Variants in MACROD2 observed in about 807,000 individuals in gnomAD.
MACROD2 encodes the protein mono-ADP ribosylhydrolase 2, also known as ADP-ribose glycohydrolase MACROD2.
In MACROD2, 36 loss-of-function variants were observed where a neutral mutation model predicts 70.4. That is an observed-to-expected ratio of 0.51 (90% CI 0.39 to 0.68). The LOEUF (loss-of-function observed/expected upper bound fraction) is 0.68, where lower values mean the gene tolerates loss of function less well. MACROD2 is among the 30% of genes least tolerant of loss of function. The pLI, the probability that MACROD2 is intolerant of heterozygous loss-of-function variation, is 0.00. For synonymous variants in MACROD2, 172 were observed against 178.8 expected (o/e 0.96, Z 0.30); for missense variants, 496 against 538.4 (o/e 0.92, Z 0.78).
intron 3 of MACROD2, among the ~76,000 whole-genome samples, chr20:14,153,834 C>G (rs925516769): frequency 3.3e-5 from 5 of 152,114 alleles, no homozygotes; most frequent in African/African-American, 1.2e-4. Context: ...GTTCATATAA[C>G]AAAAAGAAGC....
At chr20:14,309,572 G>A (rs1393351863) in intron 3 of MACROD2, among the ~76,000 whole-genome samples, 2 of 152,096 alleles carry the variant, frequency 1.3e-5, no homozygotes, top group Non-Finnish European at 2.9e-5. Flanking sequence ...TAACTCATGT[G>A]TCTATGGACA....
In MACROD2 at chr20:15,177,480, C is replaced by T. The variant is rs74795628; in HGVS notation, c.419-52460C>T. 7.3e-4 allele frequency among the ~76,000 whole-genome samples: 111 copies of T among 152,324 alleles called. No homozygotes were observed. The East Asian group carries it at 0.019, about 26-fold the overall frequency. ...ATACAACTCTGCCATTCTGTGTTCA[C>T]ACATGTCAGAGCTGCTGCAGAAAAC... On this transcript the variant is annotated intron_variant, in intron 5 of 17. Coordinates refer to ENST00000684519, the MANE Select transcript of MACROD2 (RefSeq NM_001351661.2).
At chr20:15,426,143 C>G (rs2046293889) in intron 6 of MACROD2, among the ~76,000 whole-genome samples, 1 of 150,880 alleles carries the variant, frequency 6.6e-6, no homozygotes, top group Non-Finnish European at 1.5e-5. Context: ...CTTCCCTCCA[C>G]TATTGTCCTA....
At chr20:14,737,459 G>T (rs954476586) in intron 5 of MACROD2, among the ~76,000 whole-genome samples, 1 of 152,072 alleles carries the variant, frequency 6.6e-6, no homozygotes, top group Non-Finnish European at 1.5e-5. Context: ...AATCCTTTGG[G>T]TATATACCCA....
intron 3 of MACROD2, among the ~76,000 whole-genome samples, chr20:14,489,628 G>A (rs2084771365): frequency 6.6e-6 from 1 of 152,090 alleles, no homozygotes; most frequent in South Asian, 2.1e-4. Context: ...ACTAAACTAG[G>A]TGGTCAGGAT....
intron 8 of MACROD2, among the ~76,000 whole-genome samples, chr20:15,585,779 T>A (rs1016200540): frequency 5.6e-5 from 8 of 141,912 alleles, no homozygotes; most frequent in African/African-American, 1.1e-4. Flanking sequence ...TTTTTTTTTT[T>A]AATTCACACT....
chr20:14,529,521 A>G (rs1175806126), intron 4 of MACROD2, among the ~76,000 whole-genome samples: 1 of 152,168 alleles, frequency 6.6e-6, no homozygotes, highest in Non-Finnish European at 1.5e-5. Flanking sequence ...TTAAAGCATA[A>G]AATAAAAATT....
intron 6 of MACROD2, among the ~76,000 whole-genome samples, chr20:15,260,733 A>T (rs1643670443): frequency 6.6e-6 from 1 of 151,960 alleles, no homozygotes; most frequent in African/African-American, 2.4e-5. Flanking sequence ...CCCTCACAAC[A>T]TTGTATGAAG....
chr20:14,462,914 A>G (rs1199110011), intron 3 of MACROD2, among the ~76,000 whole-genome samples: 1 of 152,078 alleles, frequency 6.6e-6, no homozygotes, highest in Non-Finnish European at 1.5e-5. Context: ...TGGTACCAGT[A>G]CCATGCTGTT....
chr20:14,444,407 C>G (rs1038503722), intron 3 of MACROD2, among the ~76,000 whole-genome samples: 4 of 151,978 alleles, frequency 2.6e-5, no homozygotes, highest in Admixed American at 6.6e-5. Flanking sequence ...GCTAGGACAC[C>G]ACATTTGCCT....
chr20:15,586,268 G>T (rs1159376520), intron 8 of MACROD2, among the ~76,000 whole-genome samples: 2 of 152,142 alleles, frequency 1.3e-5, no homozygotes, highest in South Asian at 2.1e-4. Context: ...AGTAGGTCTG[G>T]TGTGGGGCCT....
chr20:14,241,090 T>A (rs1297293662), intron 3 of MACROD2, among the ~76,000 whole-genome samples: 1 of 152,120 alleles, frequency 6.6e-6, no homozygotes, highest in Non-Finnish European at 1.5e-5. Context: ...CACTTCAGCC[T>A]GGGTGACAGA....
At chr20:14,355,105 T>A (rs2083160139) in intron 3 of MACROD2, among the ~76,000 whole-genome samples, 1 of 152,186 alleles carries the variant, frequency 6.6e-6, no homozygotes, top group African/African-American at 2.4e-5. Flanking sequence ...ACTGGTAGAA[T>A]GATTTGTTTT....
intron 3 of MACROD2, among the ~76,000 whole-genome samples, chr20:14,192,106 A>C (rs1241863832): frequency 6.6e-6 from 1 of 152,048 alleles, no homozygotes; most frequent in Non-Finnish European, 1.5e-5. Flanking sequence ...GCATTCTATA[A>C]ATGTTAGTGC....
chr20:14,757,713 T>G, intron 5 of MACROD2: 1 of 1,508,376 alleles, frequency 6.6e-7, no homozygotes, highest in South Asian at 1.1e-5. Context: ...ATGCAGTCTC[T>G]CAAGTCCCGA....
chr20:14,311,765 C>G (rs748647337), intron 3 of MACROD2, among the ~76,000 whole-genome samples: 1 of 151,980 alleles, frequency 6.6e-6, no homozygotes, highest in African/African-American at 2.4e-5. Context: ...TGATCCACCC[C>G]CCATGGCCTC....
chr20:15,790,963 A>G (rs6135519), intron 8 of MACROD2, among the ~76,000 whole-genome samples: 34,533 of 151,780 alleles, frequency 0.23, 3,882 homozygotes, highest in African/African-American at 0.24. Context: ...CATTTTCTCT[A>G]TATCTGTTAT....
intron 5 of MACROD2, among the ~76,000 whole-genome samples, chr20:15,135,846 T>G (rs6043108): frequency 0.15 from 22,621 of 150,004 alleles, 1,813 homozygotes; most frequent in African/African-American, 0.2. Flanking sequence ...CTCCTTAAGC[T>G]GATAAGCAAC....
chr20:14,348,459 G>A (rs1357049174), intron 3 of MACROD2, among the ~76,000 whole-genome samples: 1 of 151,638 alleles, frequency 6.6e-6, no homozygotes, highest in Non-Finnish European at 1.5e-5. Context: ...TAGTGTGCCA[G>A]AATCCTAATA....
Sources: gnomAD v4.1 joint callset for allele counts (sites outside exome capture counted in the v4.1 genomes callset) on GRCh38, gnomAD v4.1.1 for gene constraint, MANE v1.5 for transcripts, NCBI Gene and HGNC (gene_info 2026-07-23, HGNC 2026-07-21) for gene names.